The following DIP2B variants were observed in gnomAD, a reference collection of about 807,000 sequenced individuals.
DIP2B encodes the protein disco-interacting protein 2 homolog B.
In DIP2B, 76 loss-of-function variants were observed where a neutral mutation model predicts 198.0. That is an observed-to-expected ratio of 0.38 (90% CI 0.32 to 0.46). The LOEUF (loss-of-function observed/expected upper bound fraction) is 0.46, where lower values mean the gene tolerates loss of function less well. Ranked by LOEUF, DIP2B falls within the 20% of genes least tolerant of loss-of-function variation. DIP2B has a pLI of 0.99. For synonymous variants in DIP2B, 701 were observed against 739.1 expected (o/e 0.95, Z 0.84); for missense variants, 1,559 against 1,978.4 (o/e 0.79, Z 4.02).
At chr12:50,669,967 A>G (rs1938821698) in intron 4 of DIP2B, among the ~76,000 whole-genome samples, 1 of 152,192 alleles carries the variant, frequency 6.6e-6, no homozygotes, top group East Asian at 1.9e-4. Context: ...AATTCAATCC[A>G]CAAGTTGTAA....
At chr12:50,541,080 A>G (rs986831156) in intron 1 of DIP2B, among the ~76,000 whole-genome samples, 1 of 152,206 alleles carries the variant, frequency 6.6e-6, no homozygotes, top group African/African-American at 2.4e-5. Flanking sequence ...CCTTTGGAGA[A>G]TATAGAAAAA....
chr12:50,734,154 C>G lies in DIP2B; in HGVS notation c.4001C>G (p.Pro1334Arg). 1.2e-6 allele frequency: 2 copies of G among 1,614,088 alleles called. No homozygotes were observed. Among genetic ancestry groups the G allele is most frequent in the Non-Finnish European group, 1.7e-6 (2 of 1,179,998 alleles). The change falls in exon 33 of 38, where the codon CCG becomes CGG. Residue 1334 changes from proline (P) to arginine (R), a missense_variant. Pro to Arg is a moderately radical substitution (Grantham distance 103). Coordinates refer to ENST00000301180, the MANE Select transcript of DIP2B (RefSeq NM_173602.3). ...CTTTAGGGAACCTCAGGGCCTGATCCGACTACTGTGTATGTGGATCTGAAA... is the reference window on the plus strand; with the variant it reads ...CTTTAGGGAACCTCAGGGCCTGATCGGACTACTGTGTATGTGGATCTGAAA... ...ICLQGTSGPDPTTVYVDLKSL... is the reference protein window; with the variant it reads ...ICLQGTSGPDRTTVYVDLKSL...
chr12:50,647,599 A>G (rs1265558541), intron 3 of DIP2B, among the ~76,000 whole-genome samples: 1 of 152,144 alleles, frequency 6.6e-6, no homozygotes, highest in Non-Finnish European at 1.5e-5. Flanking sequence ...AAATGGCATG[A>G]CTGCTTGTTG....
chr12:50,536,306 T>TACGC (rs1958266793), intron 1 of DIP2B, among the ~76,000 whole-genome samples: 1 of 151,420 alleles, frequency 6.6e-6, no homozygotes, highest in Non-Finnish European at 1.5e-5. Flanking sequence ...CATACATACA[T>TACGC]ACGCCAGGCT....
intron 33 of DIP2B, 55 bp downstream of exon 33, chr12:50,734,251 C>T (rs182971005): frequency 4.8e-5 from 76 of 1,580,120 alleles, no homozygotes; most frequent in East Asian, 3.6e-4. Context: ...ATAACAAATT[C>T]GGAACCTCAA....
At chr12:50,505,331 G>A in intron 1 of DIP2B, 91 bp downstream of exon 1, 1 of 1,057,664 alleles carries the variant, frequency 9.5e-7, no homozygotes, top group South Asian at 1.7e-5. Flanking sequence ...TGGCGGCCGT[G>A]CGGCGAGGGG....
intron 4 of DIP2B, among the ~76,000 whole-genome samples, chr12:50,669,128 C>T (rs1938805289): frequency 6.6e-6 from 1 of 152,008 alleles, no homozygotes; most frequent in Non-Finnish European, 1.5e-5. Context: ...TGGTTGGTTC[C>T]CATCCTGCGA....
chr12:50,631,679 C>T (rs982741516), intron 2 of DIP2B, among the ~76,000 whole-genome samples: 11 of 151,922 alleles, frequency 7.2e-5, no homozygotes, highest in Non-Finnish European at 5.9e-5. Context: ...CTGATCTGCC[C>T]GCCTCAGCCT....
rs527925695 is a variant in DIP2B at position 50,527,637 on chromosome 12, G to C, written c.100+22397G>C. ...GTGCACCTGTAGTCTCATCTGCTTT[G>C]GAGTTGAGGCTGCAGTGAACTATGA... On this transcript the variant is annotated intron_variant, in intron 1 of 37. Coordinates refer to ENST00000301180, the MANE Select transcript of DIP2B (RefSeq NM_173602.3). Among the ~76,000 whole-genome samples the C allele has an allele frequency of 6.6e-5, 10 of 152,240 alleles. No individual in the cohort carries two copies. In the South Asian group the frequency reaches 2.1e-3, roughly 32 times the overall value.
chr12:50,653,870 G>A (rs904171364), intron 3 of DIP2B, among the ~76,000 whole-genome samples: 1 of 151,068 alleles, frequency 6.6e-6, no homozygotes, highest in African/African-American at 2.4e-5. Flanking sequence ...CTTTCCTTTT[G>A]CTATTTTTTT....
At position 50,674,494 on chromosome 12, in the gene DIP2B, G is replaced by C; in HGVS notation, c.661G>C (p.Asp221His). The C allele has an allele frequency of 6.2e-7, 1 of 1,614,146 alleles. No homozygotes were observed. The highest frequency in any genetic ancestry group is 8.5e-7 in the Non-Finnish European group (1 of 1,180,008). ...TRIENFSAPP[D>H]VTTTTSSSSS... ...CTCAGAGAATTTCTCTGCTCCTCCT[G>C]ATGTCACTACAACTACCTCTTCCTC... is the stretch of plus-strand genomic sequence containing the variant. The change falls in exon 6 of 38, where the codon GAT (aspartate) becomes CAT (histidine). Residue 221 changes from aspartate to histidine, a missense_variant. Asp to His is a moderately conservative substitution (Grantham distance 81, BLOSUM62 -1). Transcript: ENST00000301180.
In DIP2B at chr12:50,505,170, G is replaced by C; in HGVS notation, c.30G>C (p.Pro10=). ...CGGAACGAGGCCTGGAGCCGTCGCC[G>C]GCCGCGGTGGCGGCGCTGCCGCCTG... The part of the protein sequence containing the change: MAERGLEPS[P]AAVAALPPEV... The change falls in exon 1 of 38, where the codon CCG becomes CCC. Residue 10 remains proline, a synonymous_variant. Coordinates refer to ENST00000301180, the MANE Select transcript of DIP2B (RefSeq NM_173602.3). 1 of 1,526,470 alleles carries C rather than the reference G, an allele frequency of 6.6e-7. No homozygotes were observed. The highest frequency in any genetic ancestry group is 8.8e-7 in the Non-Finnish European group (1 of 1,142,336). The allele number at this position is 1,526,470 out of a possible 1,614,324, so 94.6% of individuals were successfully genotyped here. A position where few individuals can be genotyped will look rare whatever the true frequency, so the allele number is the denominator to read the frequency against.
chr12:50,510,234 C>A (rs1402004629), intron 1 of DIP2B, among the ~76,000 whole-genome samples: 2 of 152,132 alleles, frequency 1.3e-5, no homozygotes, highest in Non-Finnish European at 2.9e-5. Context: ...GTTTTGAGGG[C>A]AGTTCCAGAA....
intron 1 of DIP2B, among the ~76,000 whole-genome samples, chr12:50,595,491 G>GGTGTGTAGAA (rs1241697741): frequency 6.6e-6 from 1 of 152,046 alleles, no homozygotes; most frequent in Non-Finnish European, 1.5e-5. Flanking sequence ...TTTTTGTAGA[G>GGTGTGTAGAA]GTGGTGTTTC....
chr12:50,616,954 G>A (rs1393477927), intron 1 of DIP2B, among the ~76,000 whole-genome samples: 4 of 151,502 alleles, frequency 2.6e-5, no homozygotes. Context: ...CTCTTTATTT[G>A]TCTACTTGTA....
chr12:50,638,394 A>G (rs980885709), intron 2 of DIP2B, among the ~76,000 whole-genome samples: 8 of 152,224 alleles, frequency 5.3e-5, no homozygotes, highest in Admixed American at 2.0e-4. Context: ...AATTGTATAT[A>G]AATAGTTTTT....
At chr12:50,547,610 C>T (rs896123788) in intron 1 of DIP2B, among the ~76,000 whole-genome samples, 2 of 152,132 alleles carry the variant, frequency 1.3e-5, no homozygotes, top group Non-Finnish European at 2.9e-5. Context: ...TGAGAGAAAT[C>T]TCTGTACCTT....
intron 12 of DIP2B, among the ~76,000 whole-genome samples, chr12:50,688,226 T>C (rs989254809): frequency 2.0e-5 from 3 of 152,054 alleles, no homozygotes; most frequent in African/African-American, 7.2e-5. Context: ...ATCCCAGCAC[T>C]TTGGAAGGCC....
intron 1 of DIP2B, among the ~76,000 whole-genome samples, chr12:50,521,019 C>T (rs961834829): frequency 1.7e-4 from 25 of 151,404 alleles, no homozygotes; most frequent in Non-Finnish European, 4.4e-5. Context: ...ACGTTCCTCT[C>T]ATCATGAAAC....
Sources: gnomAD v4.1 joint callset for allele counts (sites outside exome capture counted in the v4.1 genomes callset) on GRCh38, gnomAD v4.1.1 for gene constraint, MANE v1.5 for transcripts, NCBI Gene and HGNC (gene_info 2026-07-23, HGNC 2026-07-21) for gene names.